Variants in MYOM3 observed in about 807,000 individuals in gnomAD.
MYOM3 encodes the protein myomesin-3.
A neutral mutation model predicts 191.7 loss-of-function variants in MYOM3; 155 were observed. The observed-to-expected ratio is 0.81, with a 90% CI of 0.71 to 0.92. The LOEUF is 0.92. Among genes scored for constraint, MYOM3 ranks in the 40% least tolerant of loss-of-function variants. The pLI, the probability that MYOM3 is intolerant of heterozygous loss-of-function variation, is 0.00. For missense variants in MYOM3, 1,889 were observed against 1,890.6 expected (o/e 1.00, Z 0.02); for synonymous variants, 757 against 762.9 (o/e 0.99, Z 0.13).
intron 27 of MYOM3, among the ~76,000 whole-genome samples, chr1:24,067,309 T>C (rs55716180): frequency 0.043 from 3,851 of 88,970 alleles, 478 homozygotes; most frequent in Middle Eastern, 0.095. Context: ...TCTTTCCTTC[T>C]TTCTTTCTTT....
intron 2 of MYOM3, 158 bp downstream of exon 2, chr1:24,108,318 C>T (rs578054830): frequency 2.3e-6 from 2 of 857,364 alleles, no homozygotes; most frequent in Non-Finnish European, 3.5e-6. Context: ...CTCCAGAGAG[C>T]CAATTGTGTC....
At chr1:24,061,150 G>A (rs1643365096) in intron 34 of MYOM3, 68 bp from the exon 35 acceptor site, 1 of 1,608,174 alleles carries the variant, frequency 6.2e-7, no homozygotes, top group African/African-American at 1.3e-5. Flanking sequence ...CCCAGGTGGA[G>A]GTGAGGGGTG....
chr1:24,105,181 C>T (rs774302809), intron 5 of MYOM3, among the ~76,000 whole-genome samples: 7 of 152,142 alleles, frequency 4.6e-5, no homozygotes, highest in Non-Finnish European at 1.0e-4. Context: ...CCCCTTCAAG[C>T]CCTGAGGTTT....
chr1:24,089,343 G>T (rs954987890), intron 14 of MYOM3, among the ~76,000 whole-genome samples, 195 bp downstream of exon 14: 3 of 152,222 alleles, frequency 2.0e-5, no homozygotes, highest in African/African-American at 7.2e-5. Context: ...GCAGTGACTG[G>T]CTTCCAGGGC....
intron 36 of MYOM3, among the ~76,000 whole-genome samples, chr1:24,057,843 A>T (rs11249051): frequency 6.6e-6 from 1 of 151,906 alleles, no homozygotes; most frequent in South Asian, 2.1e-4. Flanking sequence ...GTCTCGTTCC[A>T]TCGCCCAGGC....
chr1:24,070,562 A>C (rs771540320), intron 25 of MYOM3, among the ~76,000 whole-genome samples: 19 of 152,266 alleles, frequency 1.2e-4, no homozygotes, highest in Non-Finnish European at 1.8e-4. Flanking sequence ...CACTTTAGCC[A>C]TGGTGACAAA....
chr1:24,064,552 C>T (rs79480192), intron 29 of MYOM3, among the ~76,000 whole-genome samples: 1,678 of 152,300 alleles, frequency 0.011, 27 homozygotes, highest in African/African-American at 0.039. Flanking sequence ...TGGAGGGACC[C>T]CCACCACCTG....
Position 24,081,685 on chromosome 1 carries a change from C to G in MYOM3, c.2281-229G>C, listed in dbSNP as rs1643671594. ...TCATGCAGTCCTCCTGTGTTAGCCTCTCGAGTAGCCAGGACTACAGGCGCG... is the reference window on the plus strand; with the variant it reads ...TCATGCAGTCCTCCTGTGTTAGCCTGTCGAGTAGCCAGGACTACAGGCGCG... On this transcript the variant is annotated intron_variant, in intron 18 of 36. Coordinates refer to ENST00000374434, the MANE Select transcript of MYOM3 (RefSeq NM_152372.4). The G allele has an allele frequency of 1.3e-5, 8 of 597,552 alleles. 1 individual carries two copies. The South Asian group carries it at 1.8e-4, about 13-fold the overall frequency. 37.0% of individuals were successfully genotyped at this position (597,552 alleles called of 1,614,324 possible).
At position 24,071,153 on chromosome 1, in the gene MYOM3, A is replaced by T. The variant is rs751069156; in HGVS notation, c.3114T>A (p.His1038Gln). 2.2e-5 allele frequency: 36 copies of T among 1,614,042 alleles called. No homozygotes were observed. Among genetic ancestry groups the T allele is most frequent in the Non-Finnish European group, 2.9e-5 (34 of 1,180,010 alleles). ...VEKLSPAAEL[H>Q]LIFNNKEIFS... ...AGATCTCCTTGTTGTTGAAGATTAGATGTAGCTCAGCGGCTGGAGATAACT... is the reference window on the plus strand; with the variant it reads ...AGATCTCCTTGTTGTTGAAGATTAGTTGTAGCTCAGCGGCTGGAGATAACT... Residue 1038 changes from histidine to glutamine, a missense_variant, in exon 25 of 37, where the codon CAT becomes CAA. Coordinates refer to ENST00000374434, the MANE Select transcript of MYOM3 (RefSeq NM_152372.4).
rs1214976730 is a variant in MYOM3, at chr1:24,082,605, T to G, written c.2080A>C (p.Lys694Gln). The G allele has an allele frequency of 6.2e-7, 1 of 1,606,898 alleles. No homozygotes were observed. Among genetic ancestry groups the G allele is most frequent in the Admixed American group, 1.7e-5 (1 of 58,766 alleles). Residue 694 changes from lysine (K) to glutamine (Q), a missense_variant, in exon 17 of 37, where the codon AAG becomes CAG. Lys to Gln is a moderately conservative substitution (Grantham distance 53, BLOSUM62 1). Coordinates refer to ENST00000374434, the MANE Select transcript of MYOM3 (RefSeq NM_152372.4). ...SSAATEPIRV[K>Q]QALATPSAPY... ...CCCTTGGACTCACCCAGAGCCTGCT[T>G]GACCCTGATGGGCTCGGTGGCGGCT...
chr1:24,071,230 T>C lies in MYOM3; in HGVS notation c.3037A>G (p.Asn1013Asp). Residue 1013 changes from asparagine (N) to aspartate (D), a missense_variant, in exon 25 of 37, where the codon AAC becomes GAC. Transcript: ENST00000374434. Reference sequence around the variant, plus strand: ...TCCCCTCGCTCCAGGATGTCAATGTTCCAGCCGGAGATCAGTTTGATCACT... The same window carrying C: ...TCCCCTCGCTCCAGGATGTCAATGTCCCAGCCGGAGATCAGTTTGATCACT... ...NPVIKLISGWNIDILERGEVR... is the reference protein window; with the variant it reads ...NPVIKLISGWDIDILERGEVR... 1.2e-6 allele frequency: 2 copies of C among 1,613,614 alleles called. No homozygotes were observed. Among genetic ancestry groups the C allele is most frequent in the Non-Finnish European group, 1.7e-6 (2 of 1,179,818 alleles).
intron 29 of MYOM3, 82 bp from the exon 30 acceptor site, chr1:24,064,241 C>T (rs7555384): frequency 0.39 from 424,374 of 1,081,462 alleles, 87,591 homozygotes; most frequent in East Asian, 0.45. Flanking sequence ...GCCTGGGCTC[C>T]AGGCCTGCCC....
At chr1:24,103,170 A>T (rs1643952471) in intron 5 of MYOM3, among the ~76,000 whole-genome samples, 1 of 152,258 alleles carries the variant, frequency 6.6e-6, no homozygotes, top group South Asian at 2.1e-4. Context: ...TGTGGTCCTC[A>T]GTGCCAGGGC....
rs755467331 is a variant in MYOM3 at position 24,080,001 on chromosome 1, G to A, written c.2586+15C>T. The stretch of plus-strand genomic sequence containing the variant: ...GGCTCAGGGCCAGTCAGAAGATGAA[G>A]GCATAAGAACTTACCCTCAGGTGGG... On this transcript the variant is annotated intron_variant, in intron 20 of 36. Transcript: ENST00000374434. The A allele has an allele frequency of 6.3e-7, 1 of 1,597,280 alleles. No individual in the cohort carries two copies. The highest frequency in any genetic ancestry group is 1.7e-5 in the Admixed American group (1 of 58,510).
chr1:24,058,658 T>C (rs908456014), intron 36 of MYOM3, among the ~76,000 whole-genome samples: 1 of 152,204 alleles, frequency 6.6e-6, no homozygotes, highest in Non-Finnish European at 1.5e-5. Context: ...AGTAGACATT[T>C]CTTTTGGACG....
intron 29 of MYOM3, 100 bp from the exon 30 acceptor site, chr1:24,064,259 T>C (rs1343060351): frequency 4.7e-6 from 4 of 853,546 alleles, no homozygotes; most frequent in Non-Finnish European, 7.5e-6. Context: ...CCCCTCACTC[T>C]CTGTGTGACC....
In MYOM3 at chr1:24,089,560, G is replaced by T. The variant is rs765635753; in HGVS notation, c.1592C>A (p.Pro531Gln). The T allele has an allele frequency of 6.2e-7, 1 of 1,602,140 alleles. No homozygotes were observed. The highest frequency in any genetic ancestry group is 1.1e-5 in the South Asian group (1 of 88,586). Residue 531 changes from proline to glutamine, a missense_variant, in exon 14 of 37, where the codon CCA (proline) becomes CAA (glutamine). Pro to Gln is a moderately conservative substitution (Grantham distance 76). Coordinates refer to ENST00000374434, the MANE Select transcript of MYOM3 (RefSeq NM_152372.4). ...WEEPSPRDRA[P>Q]LTYSLEKSVI... ...TACCTTCTCCAGGGAGTACGTCAGT[G>T]GTGCTCTGTCCCGGGGGCTGGGCTC...
At chr1:24,064,037 C>T in intron 30 of MYOM3, 35 bp downstream of exon 30, 1 of 1,510,564 alleles carries the variant, frequency 6.6e-7, no homozygotes, top group South Asian at 1.1e-5. Context: ...CCACTGTGCT[C>T]CCTCCACAGC....
At chr1:24,078,941 G>A (rs1322439318) in intron 20 of MYOM3, among the ~76,000 whole-genome samples, 1 of 152,132 alleles carries the variant, frequency 6.6e-6, no homozygotes, top group African/African-American at 2.4e-5. Context: ...CTGCATGTGT[G>A]GAAGTTAAAA....
Sources: gnomAD v4.1 joint callset for allele counts (sites outside exome capture counted in the v4.1 genomes callset) on GRCh38, gnomAD v4.1.1 for gene constraint, MANE v1.5 for transcripts, NCBI Gene and HGNC (gene_info 2026-07-23, HGNC 2026-07-21) for gene names.